The following HNRNPH1 variants were observed in gnomAD, a reference collection of about 807,000 sequenced individuals.
The protein encoded by HNRNPH1 is heterogeneous nuclear ribonucleoprotein H.
In HNRNPH1, 4 loss-of-function variants were observed where a neutral mutation model predicts 58.6. That is an observed-to-expected ratio of 0.07 (90% confidence interval 0.03 to 0.16). The LOEUF is 0.16. HNRNPH1 is among the 10% of genes least tolerant of loss of function. The pLI is 1.00. For missense variants in HNRNPH1, 271 were observed against 564.2 expected (o/e 0.48, Z 5.26); for synonymous variants, 192 against 189.2 (o/e 1.01, Z -0.12).
chr5:179,632,412 G>A (rs1444028590), intron 2 of HNRNPH1, among the ~76,000 whole-genome samples: 4 of 152,270 alleles, frequency 2.6e-5, no homozygotes, highest in South Asian at 2.1e-4. Flanking sequence ...CGCCCTTGCG[G>A]CTGGGATCCC....
chr5:179,627,657 T>G (rs1774506979), upstream of HNRNPH1, among the ~76,000 whole-genome samples: 2 of 151,974 alleles, frequency 1.3e-5, no homozygotes, highest in African/African-American at 4.8e-5. Flanking sequence ...GTGCAATGGC[T>G]CACACTTGTA....
At position 179,634,158 on chromosome 5, in the gene HNRNPH1, C is replaced by T. The variant is rs1308728965; in HGVS notation, c.-124-1G>A. 7.1e-6 allele frequency: 1 copy of T among 141,728 alleles called. No homozygotes were observed. Among genetic ancestry groups the T allele is most frequent in the Non-Finnish European group, 1.5e-5 (1 of 65,390 alleles). The allele number at this position is 141,728 out of a possible 1,614,324, so 8.8% of individuals were successfully genotyped here. On this transcript the variant is annotated splice_acceptor_variant, in intron 1 of 4. Coordinates refer to the HNRNPH1 transcript ENST00000521116. LOFTEE classifies it low-confidence loss of function (5UTR_SPLICE). ...CACAGACTCTCCCTTCAGAGCAGCG[C>T]TGGAGGACGGGGTCAGGAGTCAGTG...
At chr5:179,621,095 C>G in intron 2 of HNRNPH1, 60 bp from the exon 4 acceptor site, 1 of 1,578,980 alleles carries the variant, frequency 6.3e-7, no homozygotes, top group East Asian at 2.2e-5. Context: ...GTTCAGACTT[C>G]CTGGGTCTTT....
rs752499665 is a variant in HNRNPH1 at position 179,618,341 on chromosome 5, AG to A, written c.537-19del. The A allele has an allele frequency of 8.9e-6, 14 of 1,571,790 alleles. No individual in the cohort carries two copies. The South Asian group carries it at 1.3e-4, about 14-fold the overall frequency. On this transcript the variant is annotated intron_variant, in intron 4 of 12. Coordinates refer to ENST00000356731, the Ensembl canonical transcript of HNRNPH1. ...CAATATACCTAAAGCATTGTTCATAAGGAAGGGGTAGGGAGGGGAGAGAAAA... is the reference window on the plus strand; with the variant it reads ...CAATATACCTAAAGCATTGTTCATAAGAAGGGGTAGGGAGGGGAGAGAAAA...
chr5:179,628,172 T>C (rs1196293669), upstream of HNRNPH1, among the ~76,000 whole-genome samples: 1 of 152,138 alleles, frequency 6.6e-6, no homozygotes, highest in Non-Finnish European at 1.5e-5. Flanking sequence ...AATTTCTTGA[T>C]GTCAAAGCCA....
upstream of HNRNPH1, chr5:179,624,797 G>A: frequency 2.6e-6 from 1 of 388,584 alleles, no homozygotes; most frequent in South Asian, 1.4e-4. Context: ...GGACCCTGCC[G>A]CAGAGCTACC....
intron 10 of HNRNPH1, 124 bp from the exon 12 acceptor site, chr5:179,616,342 C>A: frequency 1.3e-6 from 1 of 771,798 alleles, no homozygotes; most frequent in Non-Finnish European, 2.2e-6. Context: ...AACCCTCTGC[C>A]TCCTTCTGCC....
intron 2 of HNRNPH1, among the ~76,000 whole-genome samples, chr5:179,632,753 C>CTTTTTTTTTTT (rs752554745): frequency 2.2e-5 from 2 of 92,014 alleles, no homozygotes; most frequent in African/African-American, 4.1e-5. Context: ...AATCAAATAT[C>CTTTTTTTTTTT]TTTTTTTTTT....
upstream of HNRNPH1, among the ~76,000 whole-genome samples, chr5:179,628,704 C>A (rs180707824): frequency 6.6e-6 from 1 of 152,210 alleles, no homozygotes; most frequent in Non-Finnish European, 1.5e-5. Context: ...CTCTGGGAGG[C>A]CATGGTGGGC....
exon 1 of HNRNPH1, chr5:179,624,470 C>G (rs1774149518): frequency 2.5e-6 from 1 of 398,450 alleles, no homozygotes; most frequent in African/African-American, 2.1e-5. Flanking sequence ...GGCCCTGGCA[C>G]GAGGAGGGAT....
intron 2 of HNRNPH1, among the ~76,000 whole-genome samples, chr5:179,632,377 C>G (rs907180196): frequency 6.6e-6 from 1 of 152,244 alleles, no homozygotes; most frequent in Admixed American, 6.5e-5. Flanking sequence ...CACCCCCTCC[C>G]CCGCCGCGGC....
At chr5:179,625,105 G>T (rs1774242311), upstream of HNRNPH1, among the ~76,000 whole-genome samples, 1 of 151,956 alleles carries the variant, frequency 6.6e-6, no homozygotes, top group Admixed American at 6.6e-5. Context: ...GAGCAGGCAG[G>T]GTGAATGACG....
intron 3 of HNRNPH1, 70 bp downstream of exon 4, chr5:179,620,820 TTA>T (rs1771988774): frequency 7.1e-7 from 1 of 1,401,518 alleles, no homozygotes; most frequent in Non-Finnish European, 1.0e-6. Context: ...CTACTCAACT[TTA>T]ACGTCTATTA....
chr5:179,624,481 C>T (rs775627363), exon 1 of HNRNPH1: 3 of 398,486 alleles, frequency 7.5e-6, no homozygotes, highest in Non-Finnish European at 4.4e-6. Context: ...GAGGAGGGAT[C>T]GCGAGCGCGG....
Position 179,621,159 on chromosome 5 carries a change from G to T in HNRNPH1, c.253+83C>A. 2.7e-6 allele frequency: 4 copies of T among 1,501,672 alleles called. No individual in the cohort carries two copies. The South Asian group carries it at 3.5e-5, about 13-fold the overall frequency. 93.0% of individuals were successfully genotyped at this position (1,501,672 alleles called of 1,614,324 possible). On this transcript the variant is annotated intron_variant, in intron 2 of 12. Coordinates refer to ENST00000356731, the Ensembl canonical transcript of HNRNPH1. ...TCCCTTAGATGACCATTTCCATGCA[G>T]TCAAATACCTAAAATTCAGAAGGGG...
At chr5:179,621,453 GAC>G (rs1020374702) in intron 1 of HNRNPH1, 56 bp from the exon 3 acceptor site, 10 of 1,464,144 alleles carry the variant, frequency 6.8e-6, no homozygotes, top group South Asian at 1.2e-5. Context: ...ACCTCTGGGT[GAC>G]ACAGATGAAA....
intron 2 of HNRNPH1, among the ~76,000 whole-genome samples, chr5:179,633,634 G>C (rs1775029942): frequency 6.6e-6 from 1 of 151,714 alleles, no homozygotes; most frequent in Non-Finnish European, 1.5e-5. Flanking sequence ...AAAATAAAAA[G>C]CCAGGCGCAG....
At chr5:179,618,522 GAAAA>G (rs750930795) in intron 4 of HNRNPH1, 199 bp from the exon 6 acceptor site, 11 of 289,112 alleles carry the variant, frequency 3.8e-5, no homozygotes, top group Non-Finnish European at 6.2e-5. Context: ...AAACTTTATA[GAAAA>G]AAAAAAAAAA....
intron 3 of HNRNPH1, 159 bp from the exon 5 acceptor site, chr5:179,619,566 G>T: frequency 1.7e-6 from 1 of 576,334 alleles, no homozygotes; most frequent in East Asian, 2.9e-5. Context: ...GCAATAATAT[G>T]AAGTTCCATT....
Sources: allele counts gnomAD v4.1 joint callset (sites outside exome capture counted in the v4.1 genomes callset), GRCh38; gene constraint gnomAD v4.1.1; transcripts MANE v1.5; gene names NCBI Gene and HGNC (gene_info 2026-07-23, HGNC 2026-07-21).